The following RNF207 variants were observed in gnomAD, a reference collection of about 807,000 sequenced individuals.
The protein encoded by RNF207 is ring finger protein 207.
In RNF207, 72 loss-of-function variants were observed where a neutral mutation model predicts 79.0. That is an observed-to-expected ratio of 0.91 (90% CI 0.75 to 1.11). The LOEUF (loss-of-function observed/expected upper bound fraction) is 1.11, where lower values mean the gene tolerates loss of function less well. RNF207 is among the 50% of genes least tolerant of loss of function. RNF207 has a pLI of 0.00. For synonymous variants in RNF207, 348 were observed against 366.2 expected, an observed-to-expected ratio of 0.95 and a Z score of 0.57; for missense variants, 936 against 855.8, an observed-to-expected ratio of 1.09 and a Z score of -1.17.
chr1:6,207,303 C>T lies in RNF207; in HGVS notation c.192-76C>T, dbSNP rs1251649333. On this transcript the variant is annotated intron_variant, in intron 2 of 17. Transcript: ENST00000377939. The surrounding 1 kb of genome is among the most constrained non-coding windows in gnomAD (Gnocchi z 4.5). ...CCAACACAGCTATTTTTAGCTCCAG[C>T]CTGGAATGTGAGGGGTGGGGGTGGG... is the stretch of plus-strand genomic sequence containing the variant. 13 of 1,441,022 alleles carry T rather than the reference C, an allele frequency of 9.0e-6. No individual in the cohort carries two copies. In the East Asian group the frequency reaches 1.6e-4, roughly 18 times the overall value. The allele number at this position is 1,441,022 out of a possible 1,614,324, so 89.3% of individuals were successfully genotyped here.
chr1:6,217,333 G>A lies in RNF207; in HGVS notation c.1653-956G>A, dbSNP rs980103312. ...GCCTTAGGCATTCTCCACAGCCTAC[G>A]CTCACTCCTTGGGCGACCTCATTCA... is the stretch of plus-strand genomic sequence containing the variant. On this transcript the variant is annotated intron_variant, in intron 16 of 17. Coordinates refer to ENST00000377939, the MANE Select transcript of RNF207 (RefSeq NM_207396.3). This position sits in a 1 kb window ranked among gnomAD's most constrained non-coding sequence, Gnocchi z 4.2. Among the ~76,000 whole-genome samples the A allele has an allele frequency of 3.3e-5, 5 of 152,008 alleles. No homozygotes were observed. Among genetic ancestry groups the A allele is most frequent in the African/African-American group, 9.7e-5 (4 of 41,398 alleles).
intron 14 of RNF207, 90 bp downstream of exon 14, chr1:6,212,506 C>T: frequency 7.4e-7 from 1 of 1,359,692 alleles, no homozygotes. Context: ...GAGGACCTGG[C>T]CTGTACCCCA....
Position 6,209,030 on chromosome 1 carries a change from GT to G in RNF207, c.469+6del, listed in dbSNP as rs1238003443. The G allele has an allele frequency of 2.6e-6, 4 of 1,537,208 alleles. No homozygotes were observed. Among genetic ancestry groups the G allele is most frequent in the Non-Finnish European group, 3.5e-6 (4 of 1,141,170 alleles). The stretch of plus-strand genomic sequence containing the variant: ...GCGACGTGCCCCAGAAGTGCAGTGA[GT>G]GAGGCTTGCGGGGCCGGGGACTTGG... On this transcript the variant is annotated splice_donor_region_variant and intron_variant, in intron 4 of 17. Coordinates refer to ENST00000377939, the MANE Select transcript of RNF207 (RefSeq NM_207396.3).
chr1:6,218,414 T>C, intron 17 of RNF207, 45 bp downstream of exon 17: 3 of 1,416,112 alleles, frequency 2.1e-6, no homozygotes, highest in Non-Finnish European at 3.0e-6. Flanking sequence ...CGATGTGGCT[T>C]CTGAGGCCAA....
intron 16 of RNF207, among the ~76,000 whole-genome samples, chr1:6,216,482 C>T (rs1668363899): frequency 6.6e-6 from 1 of 152,174 alleles, no homozygotes; most frequent in South Asian, 2.1e-4. Context: ...GCTCTTGCTC[C>T]AGTCGCAGCG....
rs1370533641 is a variant in RNF207 at position 6,218,339 on chromosome 1, A to G, written c.1703A>G (p.Asp568Gly). ...EQSESLQNTHDDSRNNAASAR... is the reference protein window; with the variant it reads ...EQSESLQNTHGDSRNNAASAR... ...TCAGAGAGTCTACAGAACACGCACG[A>G]CGACAGCAGGAACAACGCGGCCTCA... Residue 568 changes from aspartate to glycine, a missense_variant, in exon 17 of 18, where the codon GAC becomes GGC. Transcript: ENST00000377939. The G allele has an allele frequency of 1.2e-6, 2 of 1,614,104 alleles. No homozygotes were observed. The highest frequency in any genetic ancestry group is 2.2e-5 in the South Asian group (2 of 91,080).
At chr1:6,214,626 CTTTCTTTTTT>C (rs1251175392) in intron 16 of RNF207, among the ~76,000 whole-genome samples, 1 of 95,608 alleles carries the variant, frequency 1.0e-5, no homozygotes, top group African/African-American at 5.9e-5. Flanking sequence ...TGGAATATTT[CTTTCTTTTTT>C]TTTTTTTTTT....
Position 6,207,387 on chromosome 1 carries a change from C to G in RNF207, c.200C>G (p.Thr67Arg), listed in dbSNP as rs749791707. The change falls in exon 3 of 18, where the codon ACG (threonine) becomes AGG (arginine). Residue 67 changes from threonine (T) to arginine (R), a missense_variant. Physicochemically the swap from Thr to Arg is moderately conservative, Grantham distance 71. Transcript: ENST00000377939. The surrounding 1 kb of genome is among the most constrained non-coding windows in gnomAD (Gnocchi z 4.5). ...CCTGGGCTTCTCTGCAGACACCAGA[C>G]GGTGCTGAAGGGTCCCAGCGGGCTC... ...RLTCPLCQHQ[T>R]VLKGPSGLPP... 3 of 1,516,874 alleles carry G rather than the reference C, an allele frequency of 2.0e-6. No individual in the cohort carries two copies. In the East Asian group the frequency reaches 6.8e-5, roughly 35 times the overall value. 94.0% of individuals were successfully genotyped at this position (1,516,874 alleles called of 1,614,324 possible). A position where few individuals can be genotyped will look rare whatever the true frequency, so the allele number is the denominator to read the frequency against.
intron 7 of RNF207, 65 bp from the exon 8 acceptor site, chr1:6,209,859 G>C (rs78204519): frequency 6.6e-7 from 1 of 1,511,252 alleles, no homozygotes; most frequent in African/African-American, 1.4e-5. Context: ...GGTCCGGGGG[G>C]TAGGCATGGT....
intron 10 of RNF207, 35 bp downstream of exon 10, chr1:6,210,473 C>T: frequency 6.5e-7 from 1 of 1,548,090 alleles, no homozygotes. Context: ...TGCCCCCTCC[C>T]CACCAGGAGC....
rs1668212546 is a variant in RNF207 at position 6,212,383 on chromosome 1, C to T, written c.1449C>T (p.Ala483=). Residue 483 remains alanine, a synonymous_variant, in exon 14 of 18, where the codon GCC becomes GCT. Transcript: ENST00000377939. Reference sequence around the variant, plus strand: ...ACGTGCAGATCGCCTCGGAGCACGCCTCCTTAGAGGGCATGAGGGTCGTCT... The same window carrying T: ...ACGTGCAGATCGCCTCGGAGCACGCTTCCTTAGAGGGCATGAGGGTCGTCT... ...QLDVQIASEH[A]SLEGMRVVFQ... 6.2e-7 allele frequency: 1 copy of T among 1,613,070 alleles called. No homozygotes were observed. Among genetic ancestry groups the T allele is most frequent in the Non-Finnish European group, 8.5e-7 (1 of 1,179,526 alleles).
In RNF207 at chr1:6,210,415, G is replaced by A. The variant is rs2100930401; in HGVS notation, c.919G>A (p.Ala307Thr). The A allele has an allele frequency of 6.2e-7, 1 of 1,613,538 alleles. No individual in the cohort carries two copies. ...CSSFLSLANK[A>T]EFLDLGYELM... ...CTCCTTCCTCAGCTTGGCCAACAAG[G>A]CTGAGTTCCTGGACCTGGGCTATGT... Residue 307 changes from alanine (A) to threonine (T), a missense_variant, in exon 10 of 18, where the codon GCT becomes ACT. Transcript: ENST00000377939.
At position 6,208,940 on chromosome 1, in the gene RNF207, C is replaced by T. The variant is rs922719607; in HGVS notation, c.384C>T (p.Arg128=). 16 of 1,535,022 alleles carry T rather than the reference C, an allele frequency of 1.0e-5. No homozygotes were observed. The Admixed American group carries it at 2.6e-4, about 25-fold the overall frequency. The part of the protein sequence containing the change: ...TCGQPLCARC[R]DETHRARMFA... ...GACAGCCCCTATGCGCGCGCTGCCG[C>T]GACGAGACGCACCGAGCACGCATGT... The change falls in exon 4 of 18, where the codon CGC becomes CGT. Residue 128 remains arginine, a synonymous_variant. Transcript: ENST00000377939.
Position 6,212,320 on chromosome 1 carries a change from G to C in RNF207, c.1386G>C (p.Glu462Asp). 1 of 1,614,008 alleles carries C rather than the reference G, an allele frequency of 6.2e-7. No homozygotes were observed. The highest frequency in any genetic ancestry group is 1.1e-5 in the South Asian group (1 of 91,068). ...LTKHHSLIKA[E>D]IMGDVLHKSL... ...AGCACCACTCGCTCATCAAGGCGGA[G>C]ATCATGGGAGACGTCCTGCACAAGT... Residue 462 changes from glutamate to aspartate, a missense_variant, in exon 14 of 18, where the codon GAG becomes GAC. Physicochemically the swap from Glu to Asp is conservative, Grantham distance 45. Coordinates refer to ENST00000377939, the MANE Select transcript of RNF207 (RefSeq NM_207396.3).
In RNF207 at chr1:6,211,155, C is replaced by T. The variant is rs1668150598; in HGVS notation, c.1109+37C>T. On this transcript the variant is annotated intron_variant, in intron 12 of 17. Transcript: ENST00000377939. The surrounding 1 kb of genome is among the most constrained non-coding windows in gnomAD (Gnocchi z 4.2). The stretch of plus-strand genomic sequence containing the variant: ...CCGGGGAGGCCAGGCACAAGGTCCC[C>T]AACACTGGGGTGTGGGGGAGGGTGG... 6.9e-7 allele frequency: 1 copy of T among 1,445,278 alleles called. No homozygotes were observed. Among genetic ancestry groups the T allele is most frequent in the African/African-American group, 1.4e-5 (1 of 71,814 alleles). The allele number at this position is 1,445,278 out of a possible 1,614,324, so 89.5% of individuals were successfully genotyped here. A position where few individuals can be genotyped will look rare whatever the true frequency, so the allele number is the denominator to read the frequency against.
rs1451423769 is a variant in RNF207 at position 6,217,452 on chromosome 1, C to G, written c.1653-837C>G. ...GCTCCAGACTCATCTCCCACTGCCC[C>G]CTTCCTGGGCAGCCCTACCTGGATG... On this transcript the variant is annotated intron_variant, in intron 16 of 17. Transcript: ENST00000377939. The surrounding 1 kb of genome is among the most constrained non-coding windows in gnomAD (Gnocchi z 4.2). Among the ~76,000 whole-genome samples the G allele has an allele frequency of 2.6e-5, 4 of 152,192 alleles. No individual in the cohort carries two copies. The highest frequency in any genetic ancestry group is 5.9e-5 in the Non-Finnish European group (4 of 68,040).
In RNF207 at chr1:6,220,140, C is replaced by G. The variant is rs1414209479; in HGVS notation, c.*733C>G. The G allele has an allele frequency of 6.6e-6, 1 of 152,170 alleles. No homozygotes were observed. The highest frequency in any genetic ancestry group is 2.4e-5 in the African/African-American group (1 of 41,424). 9.4% of individuals were successfully genotyped at this position (152,170 alleles called of 1,614,324 possible). A position where few individuals can be genotyped will look rare whatever the true frequency, so the allele number is the denominator to read the frequency against. On this transcript the variant is annotated 3_prime_UTR_variant, in exon 18 of 18. Transcript: ENST00000377939. ...GTAATCATTTGTCAAGAGTAAAACCCAGAAGCTCTGACAGGCCATAATTTC... is the reference window on the plus strand; with the variant it reads ...GTAATCATTTGTCAAGAGTAAAACCGAGAAGCTCTGACAGGCCATAATTTC...
chr1:6,209,303 C>T lies in RNF207; in HGVS notation c.587C>T (p.Ala196Val). Residue 196 changes from alanine to valine, a missense_variant, in exon 6 of 18, where the codon GCT (alanine) becomes GTT (valine). Transcript: ENST00000377939. ...GCACACTGCGTGGACCTGGAATCGG[C>T]TTACGTGCAGGGCTGCGAGCGGCTG... is the stretch of plus-strand genomic sequence containing the variant. ...SRAHCVDLES[A>V]YVQGCERLEQ... 1 of 1,548,224 alleles carries T rather than the reference C, an allele frequency of 6.5e-7. No individual in the cohort carries two copies. The highest frequency in any genetic ancestry group is 8.7e-7 in the Non-Finnish European group (1 of 1,146,696).
chr1:6,210,326 C>G (rs12074555), intron 9 of RNF207, 31 bp downstream of exon 9: 71 of 1,613,108 alleles, frequency 4.4e-5, no homozygotes, highest in African/African-American at 6.7e-5. Context: ...GGGTGGGTCC[C>G]TCCTCCTCCC....
Sources: gnomAD v4.1 joint callset for allele counts (sites outside exome capture counted in the v4.1 genomes callset) on GRCh38, gnomAD v4.1.1 for gene constraint, Gnocchi (gnomAD v3.1) non-coding constraint, MANE v1.5 for transcripts, NCBI Gene and HGNC (gene_info 2026-07-23, HGNC 2026-07-21) for gene names.